The following CYTH4 variants were observed in gnomAD, a reference collection of about 807,000 sequenced individuals.
The protein encoded by CYTH4 is cytohesin 4.
Under a neutral mutation model 57.5 loss-of-function variants are expected in CYTH4, and 22 were observed. The ratio of observed to expected loss-of-function variants is 0.38; its 90% confidence interval spans 0.27 to 0.55. The LOEUF is 0.55. Among genes scored for constraint, CYTH4 ranks in the 20% least tolerant of loss-of-function variants. The pLI is 0.74. For synonymous variants in CYTH4, 186 were observed against 206.5 expected, an observed-to-expected ratio of 0.90 and a Z score of 0.85; for missense variants, 420 against 535.6, an observed-to-expected ratio of 0.78 and a Z score of 2.13.
At chr22:37,282,640 T>A in intron 1 of CYTH4, 52 bp downstream of exon 1, 1 of 1,502,822 alleles carries the variant, frequency 6.7e-7, no homozygotes. Flanking sequence ...TCTTTTAGAA[T>A]GGGACAGCAG....
Position 37,307,592 on chromosome 22 carries a change from T to C in CYTH4, c.697-1620T>C, listed in dbSNP as rs544750712. On this transcript the variant is annotated intron_variant, in intron 8 of 12. Coordinates refer to ENST00000248901, the MANE Select transcript of CYTH4 (RefSeq NM_013385.5). ...TGAGCTCTGAGGTCAGAAAGGACCT[T>C]AAAGAACCAGCAAGCTCCATTTCTA... Among the ~76,000 whole-genome samples the C allele has an allele frequency of 8.5e-4, 129 of 152,248 alleles. 2 individuals are homozygous for C. The South Asian group carries it at 0.026, about 31-fold the overall frequency.
chr22:37,286,627 G>A (rs1319017905), intron 1 of CYTH4, among the ~76,000 whole-genome samples: 2 of 152,154 alleles, frequency 1.3e-5, no homozygotes, highest in Admixed American at 6.5e-5. Context: ...GAGATAAGGA[G>A]GGGCTGCTGG....
rs549123526 is a variant in CYTH4, at chr22:37,311,303, T to A, written c.886-153T>A. ...TAAGTTCCGGCCAGAGGTCTTCACA[T>A]GCTGCTTCTAACTTCCGTCCCCCTA... On this transcript the variant is annotated intron_variant, in intron 10 of 12. Coordinates refer to ENST00000248901, the MANE Select transcript of CYTH4 (RefSeq NM_013385.5). This position sits in a 1 kb window ranked among gnomAD's most constrained non-coding sequence, Gnocchi z 4.4. Among the ~76,000 whole-genome samples, 2 of 152,228 alleles carry A rather than the reference T, an allele frequency of 1.3e-5. No homozygotes were observed. The highest frequency in any genetic ancestry group is 2.9e-5 in the Non-Finnish European group (2 of 68,034).
At chr22:37,309,416 C>A in intron 9 of CYTH4, 93 bp downstream of exon 9, 1 of 1,129,722 alleles carries the variant, frequency 8.9e-7, no homozygotes, top group Non-Finnish European at 1.3e-6. Flanking sequence ...CACAGGCCCC[C>A]AGCTGACACG....
intron 4 of CYTH4, among the ~76,000 whole-genome samples, chr22:37,296,885 G>A (rs563169956): frequency 1.1e-4 from 17 of 152,306 alleles, no homozygotes; most frequent in African/African-American, 3.8e-4. Flanking sequence ...GTGGAACACA[G>A]AGGAATCTTC....
intron 8 of CYTH4, among the ~76,000 whole-genome samples, chr22:37,306,505 A>G (rs1166699718): frequency 6.6e-6 from 1 of 152,242 alleles, no homozygotes; most frequent in Non-Finnish European, 1.5e-5. Flanking sequence ...ATTCAAACCC[A>G]TGACTGACTT....
At chr22:37,297,088 G>T (rs746157617) in intron 4 of CYTH4, among the ~76,000 whole-genome samples, 2 of 152,220 alleles carry the variant, frequency 1.3e-5, no homozygotes, top group Non-Finnish European at 2.9e-5. Context: ...GTCTGCCTCC[G>T]AGCGGTAGGG....
rs1928789471 is a variant in CYTH4, at chr22:37,292,639, G to A, written c.38G>A (p.Ser13Asn). 15 of 1,613,968 alleles carry A rather than the reference G, an allele frequency of 9.3e-6. No homozygotes were observed. The highest frequency in any genetic ancestry group is 1.3e-5 in the Non-Finnish European group (15 of 1,179,980). Residue 13 changes from serine (S) to asparagine (N), a missense_variant, in exon 2 of 13, where the codon AGC becomes AAC. By Grantham distance (46) the Ser-to-Asn change is conservative. Transcript: ENST00000248901. ...LCHPEPAELS[S>N]GETEELQRIK... The stretch of plus-strand genomic sequence containing the variant: ...TCTGTAGAGCCCGCGGAGCTGAGCA[G>A]CGGGGAGACGGAAGAGTTACAGAGG...
intron 4 of CYTH4, 33 bp downstream of exon 4, chr22:37,296,098 T>C: frequency 6.2e-7 from 1 of 1,601,248 alleles, no homozygotes; most frequent in African/African-American, 1.3e-5. Flanking sequence ...GGCCACAGGG[T>C]GTGGGGGCTG....
intron 8 of CYTH4, among the ~76,000 whole-genome samples, chr22:37,303,814 A>G (rs1929288542): frequency 6.6e-6 from 1 of 152,192 alleles, no homozygotes; most frequent in African/African-American, 2.4e-5. Flanking sequence ...TCTGTCCTTT[A>G]GAGAGGAGGA....
In CYTH4 at chr22:37,313,885, C is replaced by T. The variant is rs1436560008; in HGVS notation, c.*374C>T. ...GCTCTCTGCACTTAGATGCTGTCAG[C>T]CCTCAACGTAGGAGGGGCCGTGGGG... On this transcript the variant is annotated 3_prime_UTR_variant, in exon 13 of 13. Transcript: ENST00000248901. 1 of 275,528 alleles carries T rather than the reference C, an allele frequency of 3.6e-6. No homozygotes were observed. Among genetic ancestry groups the T allele is most frequent in the Non-Finnish European group, 6.9e-6 (1 of 144,670 alleles). 17.1% of individuals were successfully genotyped at this position (275,528 alleles called of 1,614,324 possible). A position where few individuals can be genotyped will look rare whatever the true frequency, so the allele number is the denominator to read the frequency against.
chr22:37,311,575 T>A lies in CYTH4; in HGVS notation c.957+48T>A. ...CCCGAGGCTGGAGCCACTGGGAAAT[T>A]TCCTAAACAGAACGTGGGGAGAGGG... On this transcript the variant is annotated intron_variant, in intron 11 of 12. Coordinates refer to ENST00000248901, the MANE Select transcript of CYTH4 (RefSeq NM_013385.5). This position sits in a 1 kb window ranked among gnomAD's most constrained non-coding sequence, Gnocchi z 4.4. 3 of 1,586,182 alleles carry A rather than the reference T, an allele frequency of 1.9e-6. No homozygotes were observed. The highest frequency in any genetic ancestry group is 2.6e-6 in the Non-Finnish European group (3 of 1,156,132).
chr22:37,308,617 TA>T (rs1246128300), intron 8 of CYTH4, among the ~76,000 whole-genome samples: 1 of 151,804 alleles, frequency 6.6e-6, no homozygotes, highest in Non-Finnish European at 1.5e-5. Flanking sequence ...TATGTGTGCA[TA>T]AGCATGCATG....
rs139513575 is a variant in CYTH4 at position 37,307,757 on chromosome 22, G to A, written c.697-1455G>A. On this transcript the variant is annotated intron_variant, in intron 8 of 12. Coordinates refer to ENST00000248901, the MANE Select transcript of CYTH4 (RefSeq NM_013385.5). Reference sequence around the variant, plus strand: ...ATTTCATCCTCTGAGATAACACTGCGCTTGCTTTGAATAAGCAGAAATGGA... The same window carrying A: ...ATTTCATCCTCTGAGATAACACTGCACTTGCTTTGAATAAGCAGAAATGGA... Among the ~76,000 whole-genome samples the A allele has an allele frequency of 3.9e-4, 59 of 152,342 alleles. No homozygotes were observed. The East Asian group carries it at 9.6e-3, about 25-fold the overall frequency.
intron 9 of CYTH4, 133 bp from the exon 10 acceptor site, chr22:37,310,855 G>T: frequency 1.3e-6 from 1 of 796,444 alleles, no homozygotes; most frequent in Non-Finnish European, 2.1e-6. Context: ...GTTGGGGGGA[G>T]GTGTGGTGGA....
chr22:37,285,125 A>C (rs955118897), intron 1 of CYTH4, among the ~76,000 whole-genome samples: 15 of 152,222 alleles, frequency 9.9e-5, no homozygotes, highest in Admixed American at 2.6e-4. Flanking sequence ...GGAAAGGGGA[A>C]GTGAGGCCAG....
rs368655668 is a variant in CYTH4 at position 37,300,115 on chromosome 22, G to A, written c.435-792G>A. On this transcript the variant is annotated intron_variant, in intron 6 of 12. Coordinates refer to ENST00000248901, the MANE Select transcript of CYTH4 (RefSeq NM_013385.5). ...AAAGTGTTTAAAACTGGTCCACAGTGAGTGCTTAGTAAGTCTTGATGCTGC... is the reference window on the plus strand; with the variant it reads ...AAAGTGTTTAAAACTGGTCCACAGTAAGTGCTTAGTAAGTCTTGATGCTGC... The A allele has an allele frequency of 8.4e-6, 6 of 717,506 alleles. 1 individual carries two copies. Among genetic ancestry groups the A allele is most frequent in the South Asian group, 7.4e-5 (5 of 67,610 alleles). 44.4% of individuals were successfully genotyped at this position (717,506 alleles called of 1,614,324 possible). A position where few individuals can be genotyped will look rare whatever the true frequency, so the allele number is the denominator to read the frequency against.
chr22:37,309,353 ACACACACTCATGCACGCGCGGG>A (rs1483609177), intron 9 of CYTH4, 30 bp downstream of exon 9: 1 of 1,588,860 alleles, frequency 6.3e-7, no homozygotes, highest in Non-Finnish European at 8.6e-7. Context: ...ACGTCGTCGC[ACACACACTCATGCACGCGCGGG>A]CACACATCGT....
chr22:37,288,370 C>T (rs1928626899), intron 1 of CYTH4, among the ~76,000 whole-genome samples: 1 of 151,712 alleles, frequency 6.6e-6, no homozygotes, highest in Non-Finnish European at 1.5e-5. Context: ...AAAGGTCGTG[C>T]CACTGCACTC....
Sources: allele counts gnomAD v4.1 joint callset (sites outside exome capture counted in the v4.1 genomes callset), GRCh38; gene constraint gnomAD v4.1.1; non-coding constraint Gnocchi (gnomAD v3.1); transcripts MANE v1.5; gene names NCBI Gene and HGNC (gene_info 2026-07-23, HGNC 2026-07-21).